The following PIK3CB variants were observed in gnomAD, a reference collection of about 807,000 sequenced individuals.
PIK3CB encodes phosphatidylinositol-4,5-bisphosphate 3-kinase catalytic subunit beta.
Under a neutral mutation model 136.8 loss-of-function variants are expected in PIK3CB, and 39 were observed. The observed-to-expected ratio is 0.29, with a 90% confidence interval of 0.22 to 0.37. PIK3CB has a LOEUF of 0.37. Among genes scored for constraint, PIK3CB ranks in the 10% least tolerant of loss-of-function variants. The pLI is 1.00. For missense variants in PIK3CB, 868 were observed against 1,275.4 expected (o/e 0.68, Z 4.87); for synonymous variants, 428 against 436.6 (o/e 0.98, Z 0.25).
intron 1 of PIK3CB, among the ~76,000 whole-genome samples, chr3:138,806,256 G>A (rs1471754884): frequency 6.6e-6 from 1 of 152,054 alleles, no homozygotes; most frequent in African/African-American, 2.4e-5. Context: ...GAGGCCAAGG[G>A]AGGCAGATCA....
At chr3:138,696,319 A>G (rs746200257) in intron 13 of PIK3CB, among the ~76,000 whole-genome samples, 5 of 151,536 alleles carry the variant, frequency 3.3e-5, no homozygotes, top group Non-Finnish European at 5.9e-5. Flanking sequence ...AGTAGCTAGG[A>G]CTACAGGAAC....
intron 14 of PIK3CB, among the ~76,000 whole-genome samples, chr3:138,693,938 T>A (rs868095869): frequency 0.056 from 1,157 of 20,560 alleles, 33 homozygotes; most frequent in African/African-American, 0.14. Flanking sequence ...TTGCTTAAAA[T>A]ATATATATAT....
intron 8 of PIK3CB, among the ~76,000 whole-genome samples, chr3:138,717,192 T>C (rs2044628345): frequency 6.7e-6 from 1 of 150,220 alleles, no homozygotes; most frequent in Non-Finnish European, 1.5e-5. Context: ...AGGCAGAGGT[T>C]GCAGTGAGCC....
At chr3:138,797,680 A>G (rs1370724845) in intron 1 of PIK3CB, among the ~76,000 whole-genome samples, 3 of 152,170 alleles carry the variant, frequency 2.0e-5, no homozygotes, top group African/African-American at 7.2e-5. Flanking sequence ...GGATGTTGAT[A>G]GTGGGGGAAG....
At chr3:138,733,706 G>A (rs1023222428) in intron 7 of PIK3CB, among the ~76,000 whole-genome samples, 8 of 151,934 alleles carry the variant, frequency 5.3e-5, no homozygotes, top group Non-Finnish European at 1.0e-4. Flanking sequence ...GTGAAACCCC[G>A]TCTCTACTAA....
chr3:138,794,272 T>C (rs1488154301), intron 2 of PIK3CB, among the ~76,000 whole-genome samples: 1 of 151,972 alleles, frequency 6.6e-6, no homozygotes, highest in Non-Finnish European at 1.5e-5. Flanking sequence ...ATCTTGTGAG[T>C]TTTTAAGCAT....
At position 138,654,363 on chromosome 3, in the gene PIK3CB, A is replaced by G; in HGVS notation, c.*1026T>C. On this transcript the variant is annotated 3_prime_UTR_variant, in exon 24 of 24. Transcript: ENST00000674063. ...TTTCCGTGTGGCGTGAAACCATTTCAATTTGAACTAATATCCTTGAAAAAA... is the reference window on the plus strand; with the variant it reads ...TTTCCGTGTGGCGTGAAACCATTTCGATTTGAACTAATATCCTTGAAAAAA... 4.5e-6 allele frequency: 1 copy of G among 223,610 alleles called. No homozygotes were observed. Among genetic ancestry groups the G allele is most frequent in the Non-Finnish European group, 8.9e-6 (1 of 112,050 alleles). 13.9% of individuals were successfully genotyped at this position (223,610 alleles called of 1,614,324 possible). A position where few individuals can be genotyped will look rare whatever the true frequency, so the allele number is the denominator to read the frequency against.
intron 10 of PIK3CB, chr3:138,707,655 G>T: frequency 1.7e-6 from 1 of 603,930 alleles, no homozygotes; most frequent in Non-Finnish European, 2.1e-6. Flanking sequence ...TTAATCACAT[G>T]TAATCTGGTT....
Position 138,759,359 on chromosome 3 carries a change from C to T in PIK3CB, c.-16G>A. 6.3e-7 allele frequency: 1 copy of T among 1,585,472 alleles called. No individual in the cohort carries two copies. The highest frequency in any genetic ancestry group is 8.6e-7 in the Non-Finnish European group (1 of 1,160,976). On this transcript the variant is annotated splice_region_variant and 5_prime_UTR_variant, in exon 3 of 24. Coordinates refer to ENST00000674063, the MANE Select transcript of PIK3CB (RefSeq NM_006219.3). ...TGAAGCACATTCATAACCACGGGGC[C>T]CTAGAAATCAGTAATTAAAACATAG...
intron 8 of PIK3CB, 71 bp downstream of exon 8, chr3:138,733,290 T>A: frequency 1.6e-6 from 1 of 642,224 alleles, no homozygotes; most frequent in Non-Finnish European, 2.8e-6. Context: ...CAATGTGACA[T>A]TATTGAGCAT....
intron 1 of PIK3CB, among the ~76,000 whole-genome samples, chr3:138,833,230 C>A (rs899041420): frequency 6.6e-6 from 1 of 151,712 alleles, no homozygotes; most frequent in Non-Finnish European, 1.5e-5. Flanking sequence ...CCACGCCCTG[C>A]TAATTTTTGT....
At chr3:138,720,623 T>G (rs2044705613) in intron 8 of PIK3CB, among the ~76,000 whole-genome samples, 1 of 152,180 alleles carries the variant, frequency 6.6e-6, no homozygotes, top group African/African-American at 2.4e-5. Context: ...TCCCAGCACT[T>G]TGGGAAGCCA....
At chr3:138,834,208 C>A (rs1934168816) in intron 1 of PIK3CB, among the ~76,000 whole-genome samples, 1 of 152,248 alleles carries the variant, frequency 6.6e-6, no homozygotes, top group African/African-American at 2.4e-5. Context: ...TGGCCCAAGG[C>A]CCCAGGACTG....
chr3:138,768,737 G>A (rs1261078675), intron 2 of PIK3CB, among the ~76,000 whole-genome samples: 1 of 152,162 alleles, frequency 6.6e-6, no homozygotes, highest in African/African-American at 2.4e-5. Flanking sequence ...TCTGGAGGGG[G>A]CCAAGGTGGC....
At position 138,748,384 on chromosome 3, in the gene PIK3CB, C is replaced by G. The variant is rs777842717; in HGVS notation, c.398-5603G>C. Among the ~76,000 whole-genome samples, 8 of 152,058 alleles carry G rather than the reference C, an allele frequency of 5.3e-5. No individual in the cohort carries two copies. The Middle Eastern group carries it at 0.01, about 195-fold the overall frequency. ...CTCTGAAACCTTCCCTTTTTTTTCACTGTAAAGCTTTCCCACTCCCCTGCC... is the reference window on the plus strand; with the variant it reads ...CTCTGAAACCTTCCCTTTTTTTTCAGTGTAAAGCTTTCCCACTCCCCTGCC... On this transcript the variant is annotated intron_variant, in intron 4 of 23. Coordinates refer to ENST00000674063, the MANE Select transcript of PIK3CB (RefSeq NM_006219.3).
intron 2 of PIK3CB, among the ~76,000 whole-genome samples, chr3:138,762,855 G>C (rs2045680726): frequency 6.6e-6 from 1 of 151,932 alleles, no homozygotes; most frequent in African/African-American, 2.4e-5. Flanking sequence ...AGCTACCAGG[G>C]AGGCTGAGTC....
intron 1 of PIK3CB, among the ~76,000 whole-genome samples, chr3:138,824,149 G>A (rs1220286721): frequency 6.6e-6 from 1 of 152,164 alleles, no homozygotes; most frequent in Non-Finnish European, 1.5e-5. Flanking sequence ...TGGTTAAACT[G>A]TAGTTTAAAA....
intron 18 of PIK3CB, 127 bp downstream of exon 18, chr3:138,683,551 C>A: frequency 1.6e-6 from 1 of 624,322 alleles, no homozygotes; most frequent in Non-Finnish European, 2.8e-6. Flanking sequence ...ACTTTAGGAC[C>A]ATTAATAGCT....
chr3:138,702,232 C>A (rs2044270120), intron 12 of PIK3CB, among the ~76,000 whole-genome samples: 1 of 149,294 alleles, frequency 6.7e-6, no homozygotes. Flanking sequence ...CCACCACGCC[C>A]AGTTAATACT....
Sources: gnomAD v4.1 joint callset for allele counts (sites outside exome capture counted in the v4.1 genomes callset) on GRCh38, gnomAD v4.1.1 for gene constraint, MANE v1.5 for transcripts, NCBI Gene and HGNC (gene_info 2026-07-23, HGNC 2026-07-21) for gene names.